Variants in PDK1 observed in about 807,000 individuals in gnomAD.
PDK1 encodes [Pyruvate dehydrogenase (acetyl-transferring)] kinase isozyme 1, mitochondrial.
PDK1 carries 39 observed loss-of-function variants against 54.2 expected under a neutral mutation model. The ratio of observed to expected loss-of-function variants is 0.72; its 90% CI spans 0.56 to 0.94. PDK1 has a LOEUF of 0.94. Ranked by LOEUF, PDK1 falls within the 40% of genes least tolerant of loss-of-function variation. PDK1 has a pLI of 0.00. For missense variants in PDK1, 552 were observed against 566.0 expected, an observed-to-expected ratio of 0.98 and a Z score of 0.25; for synonymous variants, 221 against 207.1, an observed-to-expected ratio of 1.07 and a Z score of -0.58.
chr2:172,586,295 T>G lies in PDK1; in HGVS notation c.963T>G (p.Gly321=). 1 of 1,611,408 alleles carries G rather than the reference T, an allele frequency of 6.2e-7. No individual in the cohort carries two copies. The highest frequency in any genetic ancestry group is 8.5e-7 in the Non-Finnish European group (1 of 1,177,856). The change falls in exon 9 of 11, where the codon GGT becomes GGG. Residue 321 remains glycine, a synonymous_variant. Transcript: ENST00000282077. ...DLTVKMSDRG[G]GVPLRKIDRL... is the part of the protein sequence containing the mutation. Reference sequence around the variant, plus strand: ...TACCTTAGATGAGTGACCGAGGAGGTGGCGTTCCTTTGAGGAAAATTGACA... The same window carrying G: ...TACCTTAGATGAGTGACCGAGGAGGGGGCGTTCCTTTGAGGAAAATTGACA...
At chr2:172,627,573 C>G in the PDK1 span, among the ~76,000 whole-genome samples, 1 of 152,124 alleles carries the variant, frequency 6.6e-6, no homozygotes, top group African/African-American at 2.4e-5. Flanking sequence ...TCTCTCTTCC[C>G]TTGGACATCA....
chr2:172,635,102 C>T, the PDK1 span, among the ~76,000 whole-genome samples: 3 of 152,006 alleles, frequency 2.0e-5, no homozygotes, highest in African/African-American at 7.3e-5. Flanking sequence ...CTGCATTGTT[C>T]AATATATAAA....
chr2:172,691,467 TTC>T, the PDK1 span: 1 of 151,922 alleles, frequency 6.6e-6, no homozygotes, highest in East Asian at 2.0e-4. Context: ...GTTTTGTACA[TTC>T]TAAGGGCTGG....
intron 1 of PDK1, among the ~76,000 whole-genome samples, chr2:172,557,610 CGTGTGT>C (rs55753852): frequency 0.012 from 1,655 of 141,994 alleles, 26 homozygotes; most frequent in African/African-American, 0.038. Flanking sequence ...TCTTTTTTCC[CGTGTGT>C]GTGTGTGTGT....
chr2:172,566,751 G>A (rs1688974394), intron 5 of PDK1, 105 bp from the exon 6 acceptor site: 3 of 542,540 alleles, frequency 5.5e-6, no homozygotes, highest in African/African-American at 4.0e-5. Flanking sequence ...ATTTTCTTCT[G>A]TAGAGAGTTC....
chr2:172,562,507 A>G (rs1017628053), intron 3 of PDK1, among the ~76,000 whole-genome samples: 1 of 152,234 alleles, frequency 6.6e-6, no homozygotes, highest in Non-Finnish European at 1.5e-5. Flanking sequence ...TGTGATGATC[A>G]GTGGAAATGT....
At chr2:172,567,138 A>T (rs111645384) in intron 6 of PDK1, among the ~76,000 whole-genome samples, 1,937 of 152,302 alleles carry the variant, frequency 0.013, 48 homozygotes, top group African/African-American at 0.043. Context: ...TTTTTGTATC[A>T]CATTTTCTTT....
chr2:172,695,193 A>T, the PDK1 span, among the ~76,000 whole-genome samples: 4 of 152,230 alleles, frequency 2.6e-5, no homozygotes, highest in African/African-American at 2.4e-5. Flanking sequence ...TCTTGTTTAT[A>T]TCAACTAGCC....
At chr2:172,626,168 A>G in the PDK1 span, among the ~76,000 whole-genome samples, 1 of 152,088 alleles carries the variant, frequency 6.6e-6, no homozygotes. Flanking sequence ...AAGTTTATTT[A>G]TTTTTCGGAT....
At chr2:172,582,588 T>C (rs2149265318) in intron 8 of PDK1, among the ~76,000 whole-genome samples, 1 of 152,340 alleles carries the variant, frequency 6.6e-6, no homozygotes, top group Middle Eastern at 3.4e-3. Context: ...AGGTTTCGTG[T>C]TAGTTTTCAC....
At chr2:172,657,944 T>A in the PDK1 span, among the ~76,000 whole-genome samples, 1 of 152,138 alleles carries the variant, frequency 6.6e-6, no homozygotes, top group Admixed American at 6.5e-5. Flanking sequence ...CTTCCACTCC[T>A]GGTGGAAGGT....
At chr2:172,559,102 C>A (rs1558923576) in intron 2 of PDK1, among the ~76,000 whole-genome samples, 2 of 152,170 alleles carry the variant, frequency 1.3e-5, no homozygotes, top group African/African-American at 4.8e-5. Context: ...GCACGTGCCA[C>A]CACGCCCAGC....
chr2:172,628,877 G>A, the PDK1 span, among the ~76,000 whole-genome samples: 1 of 152,182 alleles, frequency 6.6e-6, no homozygotes. Flanking sequence ...CCAGCACTTT[G>A]GGAGACTGAG....
At chr2:172,580,593 A>G (rs976901993) in intron 8 of PDK1, among the ~76,000 whole-genome samples, 5 of 152,174 alleles carry the variant, frequency 3.3e-5, no homozygotes, top group Admixed American at 2.0e-4. Context: ...TGACCCAGCA[A>G]TCCTACTCCT....
At chr2:172,695,160 G>C in the PDK1 span, among the ~76,000 whole-genome samples, 1 of 152,034 alleles carries the variant, frequency 6.6e-6, no homozygotes, top group East Asian at 1.9e-4. Flanking sequence ...TTTTTGACCA[G>C]AAATATGCCA....
chr2:172,669,396 A>G, the PDK1 span, among the ~76,000 whole-genome samples: 2 of 152,174 alleles, frequency 1.3e-5, no homozygotes, highest in Non-Finnish European at 2.9e-5. Flanking sequence ...TGTATATATA[A>G]CACATTTACA....
chr2:172,593,587 C>T (rs186252586), intron 10 of PDK1, among the ~76,000 whole-genome samples: 35 of 152,296 alleles, frequency 2.3e-4, no homozygotes, highest in Admixed American at 8.5e-4. Flanking sequence ...CCAAAACATT[C>T]ATCTTAGTTT....
intron 8 of PDK1, among the ~76,000 whole-genome samples, chr2:172,579,475 C>T (rs1439333856): frequency 6.6e-6 from 1 of 150,642 alleles, no homozygotes; most frequent in Non-Finnish European, 1.5e-5. Context: ...TTCCAGAATT[C>T]TGTCAAAGTA....
At chr2:172,705,773 A>G in the PDK1 span, among the ~76,000 whole-genome samples, 1 of 152,388 alleles carries the variant, frequency 6.6e-6, no homozygotes, top group East Asian at 1.9e-4. Context: ...AAGGAAGAAT[A>G]AAGAATATTT....
Sources: allele counts gnomAD v4.1 joint callset (sites outside exome capture counted in the v4.1 genomes callset), GRCh38; gene constraint gnomAD v4.1.1; transcripts MANE v1.5; gene names NCBI Gene and HGNC (gene_info 2026-07-23, HGNC 2026-07-21).